The following DNAAF11 variants were observed in gnomAD, a reference collection of about 807,000 sequenced individuals.
The protein encoded by DNAAF11 is dynein axonemal assembly factor 11.
DNAAF11 carries 45 observed loss-of-function variants against 60.8 expected under a neutral mutation model. The ratio of observed to expected loss-of-function variants is 0.74; its 90% CI spans 0.58 to 0.95. The LOEUF is 0.95. DNAAF11 is among the 40% of genes least tolerant of loss of function. The pLI is 0.00. For missense variants in DNAAF11, 546 were observed against 546.2 expected, an observed-to-expected ratio of 1.00 and a Z score of 0.00; for synonymous variants, 191 against 183.5, an observed-to-expected ratio of 1.04 and a Z score of -0.33.
At chr8:132,618,846 G>A (rs1395416461) in intron 7 of DNAAF11, among the ~76,000 whole-genome samples, 3 of 152,062 alleles carry the variant, frequency 2.0e-5, no homozygotes, top group African/African-American at 7.3e-5. Flanking sequence ...TTACACTGTT[G>A]GTGGGACTGT....
chr8:132,627,762 T>G (rs970878920), intron 5 of DNAAF11, among the ~76,000 whole-genome samples: 9 of 152,134 alleles, frequency 5.9e-5, no homozygotes, highest in Non-Finnish European at 8.8e-5. Context: ...AGAGTCTTCC[T>G]GCCTTGAGAA....
At chr8:132,625,207 G>A (rs1820128495) in intron 6 of DNAAF11, 65 bp downstream of exon 6, 1 of 1,239,906 alleles carries the variant, frequency 8.1e-7, no homozygotes, top group Non-Finnish European at 1.1e-6. Flanking sequence ...TCAAAAAATG[G>A]GCAATCATAA....
chr8:132,691,286 A>G, the DNAAF11 span, among the ~76,000 whole-genome samples: 5 of 152,146 alleles, frequency 3.3e-5, no homozygotes, highest in African/African-American at 1.2e-4. Flanking sequence ...GACCATTAGA[A>G]ACTCTTTCAG....
rs1273679680 is a variant in DNAAF11, at chr8:132,674,108, G to A, written c.10+1376C>T. ...AGGAGGAGGAGGAGCAGGAGGAGGA[G>A]GAGCAGGAGGAGGAGGAGGAGGAGG... On this transcript the variant is annotated intron_variant, in intron 1 of 11. Coordinates refer to ENST00000620350, the MANE Select transcript of DNAAF11 (RefSeq NM_012472.6). 2.2e-3 allele frequency among the ~76,000 whole-genome samples: 293 copies of A among 134,048 alleles called. 1 individual carries two copies. Among genetic ancestry groups the A allele is most frequent in the African/African-American group, 7.5e-3 (261 of 34,956 alleles). The allele number at this position is 134,048 out of a possible 152,430, so 87.9% of individuals were successfully genotyped here. A position where few individuals can be genotyped will look rare whatever the true frequency, so the allele number is the denominator to read the frequency against.
chr8:132,691,545 GA>G, the DNAAF11 span, among the ~76,000 whole-genome samples: 21 of 152,102 alleles, frequency 1.4e-4, no homozygotes, highest in East Asian at 1.3e-3. Context: ...AATTTATACA[GA>G]AAAAAGTTTC....
chr8:132,664,869 T>C (rs1319029659), intron 1 of DNAAF11, among the ~76,000 whole-genome samples: 1 of 152,186 alleles, frequency 6.6e-6, no homozygotes, highest in Non-Finnish European at 1.5e-5. Context: ...AAGAATTATA[T>C]TGATTCATAT....
chr8:132,631,735 A>G (rs551757274), intron 5 of DNAAF11, among the ~76,000 whole-genome samples: 5 of 152,278 alleles, frequency 3.3e-5, no homozygotes, highest in Admixed American at 3.3e-4. Flanking sequence ...TTAAAAAAAG[A>G]TCCATCATTC....
intron 3 of DNAAF11, among the ~76,000 whole-genome samples, chr8:132,652,647 T>C (rs7845249): frequency 0.076 from 11,557 of 152,168 alleles, 1,185 homozygotes; most frequent in African/African-American, 0.23. Flanking sequence ...TGCAGGGACA[T>C]GGATGACGCT....
chr8:132,699,668 A>G, the DNAAF11 span, among the ~76,000 whole-genome samples: 1 of 152,150 alleles, frequency 6.6e-6, no homozygotes. Context: ...ACCATTTACA[A>G]TAGCCCCAAA....
intron 1 of DNAAF11, among the ~76,000 whole-genome samples, chr8:132,664,299 A>T (rs1824414590): frequency 6.6e-6 from 1 of 152,214 alleles, no homozygotes. Context: ...TCATACTGCC[A>T]TGTGGGACTT....
intron 1 of DNAAF11, 79 bp from the exon 2 acceptor site, chr8:132,661,706 G>GT (rs752683783): frequency 1.2e-4 from 168 of 1,453,476 alleles, no homozygotes; most frequent in South Asian, 3.6e-4. Flanking sequence ...ACGCATTTGT[G>GT]TTTTTTTTGT....
At chr8:132,674,148 G>GGAGGAGGAGA (rs1825505102) in intron 1 of DNAAF11, among the ~76,000 whole-genome samples, 1 of 120,546 alleles carries the variant, frequency 8.3e-6, no homozygotes, top group African/African-American at 3.2e-5. Flanking sequence ...GGAGGAGGAA[G>GGAGGAGGAGA]AGGAGGAGGA....
intron 10 of DNAAF11, among the ~76,000 whole-genome samples, chr8:132,586,920 C>T (rs755039078): frequency 1.9e-4 from 29 of 152,112 alleles, no homozygotes; most frequent in Admixed American, 3.3e-4. Context: ...TCCCAAGGAG[C>T]AATGGCACCT....
At chr8:132,673,240 G>A (rs1388804382) in intron 1 of DNAAF11, among the ~76,000 whole-genome samples, 1 of 152,174 alleles carries the variant, frequency 6.6e-6, no homozygotes, top group Non-Finnish European at 1.5e-5. Context: ...TAGTTACTGT[G>A]TGATTTACTC....
At chr8:132,664,553 C>T (rs933429460) in intron 1 of DNAAF11, among the ~76,000 whole-genome samples, 1 of 152,168 alleles carries the variant, frequency 6.6e-6, no homozygotes, top group Non-Finnish European at 1.5e-5. Context: ...TTGCTGCAGC[C>T]CAGGATCAAG....
At chr8:132,606,935 C>T (rs1818199630) in intron 10 of DNAAF11, among the ~76,000 whole-genome samples, 1 of 152,122 alleles carries the variant, frequency 6.6e-6, no homozygotes, top group Admixed American at 6.5e-5. Flanking sequence ...AAAAAAACTA[C>T]AAAGCTTATT....
chr8:132,589,838 C>T (rs1414876258), intron 10 of DNAAF11, among the ~76,000 whole-genome samples: 1 of 152,150 alleles, frequency 6.6e-6, no homozygotes, highest in Non-Finnish European at 1.5e-5. Flanking sequence ...TTTATAGATC[C>T]TCTTAAAAGG....
At chr8:132,573,705 T>C (rs1305370254) in intron 11 of DNAAF11, among the ~76,000 whole-genome samples, 5 of 152,172 alleles carry the variant, frequency 3.3e-5, no homozygotes, top group Non-Finnish European at 7.4e-5. Flanking sequence ...TGAACACCCT[T>C]TGTCAGGGTG....
chr8:132,687,780 C>T, the DNAAF11 span: 1 of 435,402 alleles, frequency 2.3e-6, no homozygotes, highest in Admixed American at 2.4e-5. Flanking sequence ...AATTATGCTG[C>T]TTTTGGCTTT....
Sources: allele counts gnomAD v4.1 joint callset (sites outside exome capture counted in the v4.1 genomes callset), GRCh38; gene constraint gnomAD v4.1.1; transcripts MANE v1.5; gene names NCBI Gene and HGNC (gene_info 2026-07-23, HGNC 2026-07-21).